Variants in NAA15 observed in about 807,000 individuals in gnomAD.
The protein encoded by NAA15 is N-alpha-acetyltransferase 15, NatA auxiliary subunit, also known as N-terminal acetyltransferase.
A neutral mutation model predicts 114.0 loss-of-function variants in NAA15; 34 were observed. The observed-to-expected ratio is 0.30, with a 90% CI of 0.23 to 0.40. NAA15 has a LOEUF of 0.40. Among genes scored for constraint, NAA15 ranks in the 10% least tolerant of loss-of-function variants. The pLI, the probability that NAA15 is intolerant of heterozygous loss-of-function variation, is 1.00. For missense variants in NAA15, 658 were observed against 1,004.5 expected, an observed-to-expected ratio of 0.66 and a Z score of 4.66; for synonymous variants, 340 against 338.0, an observed-to-expected ratio of 1.01 and a Z score of -0.06.
At chr4:139,357,261 A>C (rs1195274354) in intron 10 of NAA15, 125 bp from the exon 11 acceptor site, 13 of 774,694 alleles carry the variant, frequency 1.7e-5, no homozygotes, top group Non-Finnish European at 2.1e-5. Context: ...GGAGTTTTAT[A>C]GCTAGATACA....
intron 1 of NAA15, among the ~76,000 whole-genome samples, chr4:139,327,690 G>A (rs1746848234): frequency 1.3e-5 from 2 of 152,232 alleles, no homozygotes; most frequent in East Asian, 1.9e-4. Context: ...GTTTGAGACA[G>A]AGTCTCACTC....
chr4:139,313,826 C>T (rs545091643), intron 1 of NAA15, among the ~76,000 whole-genome samples: 2 of 151,744 alleles, frequency 1.3e-5, no homozygotes, highest in Non-Finnish European at 2.9e-5. Flanking sequence ...TGTGAGCCAC[C>T]GCGCCCGGCC....
Position 139,369,834 on chromosome 4 carries a change from C to T in NAA15, c.1754-377C>T, listed in dbSNP as rs560385999. Among the ~76,000 whole-genome samples the T allele has an allele frequency of 9.9e-5, 15 of 151,204 alleles. No homozygotes were observed. In the East Asian group the frequency reaches 2.5e-3, roughly 25 times the overall value. Reference sequence around the variant, plus strand: ...AAATTTGTTTTTTGAGACAGAGTTTCGCTCTTGTTTCCTAGGCTGGAGTGT... The same window carrying T: ...AAATTTGTTTTTTGAGACAGAGTTTTGCTCTTGTTTCCTAGGCTGGAGTGT... On this transcript the variant is annotated intron_variant, in intron 14 of 19. Transcript: ENST00000296543.
chr4:139,314,164 T>G (rs1438249920), intron 1 of NAA15, among the ~76,000 whole-genome samples: 1 of 151,912 alleles, frequency 6.6e-6, no homozygotes, highest in Non-Finnish European at 1.5e-5. Flanking sequence ...TGTAAATTAT[T>G]GTGAAGTGGA....
chr4:139,313,245 T>G (rs1333376213), intron 1 of NAA15, among the ~76,000 whole-genome samples: 1 of 151,932 alleles, frequency 6.6e-6, no homozygotes, highest in Non-Finnish European at 1.5e-5. Context: ...TCAAAAACTT[T>G]TTTTTCCTCT....
chr4:139,356,383 A>G (rs950081923), intron 10 of NAA15: 2 of 152,168 alleles, frequency 1.3e-5, no homozygotes, highest in Admixed American at 1.3e-4. Context: ...CCCTGGGTGC[A>G]TATTGCTATT....
At chr4:139,333,400 GT>G (rs1470168312) in intron 1 of NAA15, among the ~76,000 whole-genome samples, 1 of 150,998 alleles carries the variant, frequency 6.6e-6, no homozygotes, top group Non-Finnish European at 1.5e-5. Flanking sequence ...TATGTGACTT[GT>G]TTTTTTCCCC....
chr4:139,362,388 C>T lies in NAA15; in HGVS notation c.1753+451C>T, dbSNP rs564230953. Among the ~76,000 whole-genome samples, 59 of 152,250 alleles carry T rather than the reference C, an allele frequency of 3.9e-4. 1 individual carries two copies. In the South Asian group the frequency reaches 9.9e-3, roughly 26 times the overall value. On this transcript the variant is annotated intron_variant, in intron 14 of 19. Transcript: ENST00000296543. ...TCCCAGGTTCAAGCGATTCTCCTGC[C>T]GCAGCCTTCTGAGTAGCTGGGATTA...
rs569738726 is a variant in NAA15 at position 139,310,229 on chromosome 4, C to T, written c.54+8398C>T. Among the ~76,000 whole-genome samples the T allele has an allele frequency of 7.5e-3, 1,137 of 150,908 alleles. 9 individuals carry two copies. The highest frequency in any genetic ancestry group is 0.019 in the East Asian group (94 of 5,072). On this transcript the variant is annotated intron_variant, in intron 1 of 19. Transcript: ENST00000296543. The stretch of plus-strand genomic sequence containing the variant: ...CAGCACTTTGGGAGGCCGAGGCGGG[C>T]GGATCACGAGGTCAGGAGATCGAGA...
At chr4:139,368,959 A>G (rs1428196136) in intron 14 of NAA15, among the ~76,000 whole-genome samples, 2 of 152,226 alleles carry the variant, frequency 1.3e-5, no homozygotes, top group Admixed American at 6.5e-5. Context: ...GAGACAGTCA[A>G]TAGTTTATAC....
chr4:139,354,252 G>T (rs1432414226), intron 10 of NAA15, among the ~76,000 whole-genome samples, 154 bp downstream of exon 10: 1 of 152,102 alleles, frequency 6.6e-6, no homozygotes, highest in Non-Finnish European at 1.5e-5. Context: ...TTTGCACATT[G>T]TGTGATGATA....
At chr4:139,332,980 G>C (rs1560961351) in intron 1 of NAA15, among the ~76,000 whole-genome samples, 1 of 152,082 alleles carries the variant, frequency 6.6e-6, no homozygotes, top group South Asian at 2.1e-4. Context: ...TCAAGTCCTT[G>C]ATATACAATG....
At position 139,349,590 on chromosome 4, in the gene NAA15, GTT is replaced by G. The variant is rs750694609; in HGVS notation, c.811+11_811+12del. On this transcript the variant is annotated intron_variant, in intron 7 of 19. Coordinates refer to ENST00000296543, the MANE Select transcript of NAA15 (RefSeq NM_057175.5). Reference sequence around the variant, plus strand: ...AAAAGCACTCAAGCCAGGTAGTATTGTTTAAAACTTACTAAGTTTTATTGTTT... The same window carrying G: ...AAAAGCACTCAAGCCAGGTAGTATTGTAAAACTTACTAAGTTTTATTGTTT... 146 of 1,587,180 alleles carry G rather than the reference GTT, an allele frequency of 9.2e-5. No homozygotes were observed. The African/African-American group carries it at 1.8e-3, about 20-fold the overall frequency.
At chr4:139,375,438 C>T (rs949737889) in intron 15 of NAA15, among the ~76,000 whole-genome samples, 1 of 152,020 alleles carries the variant, frequency 6.6e-6, no homozygotes, top group African/African-American at 2.4e-5. Flanking sequence ...GAATTCACTT[C>T]ACTGCTTTTC....
Position 139,388,320 on chromosome 4 carries a change from A to G in NAA15, c.*236A>G. 1 of 335,808 alleles carries G rather than the reference A, an allele frequency of 3.0e-6. No individual in the cohort carries two copies. Among genetic ancestry groups the G allele is most frequent in the Non-Finnish European group, 5.4e-6 (1 of 184,242 alleles). The allele number at this position is 335,808 out of a possible 1,614,324, so 20.8% of individuals were successfully genotyped here. On this transcript the variant is annotated 3_prime_UTR_variant, in exon 20 of 20. Transcript: ENST00000296543. The stretch of plus-strand genomic sequence containing the variant: ...AAAGCTGCTAAAATTGAGTGGTTAA[A>G]AAAGATACCTTATCCTATTCCTCCC...
chr4:139,311,728 A>T (rs1399483377), intron 1 of NAA15, among the ~76,000 whole-genome samples: 1 of 151,904 alleles, frequency 6.6e-6, no homozygotes, highest in Non-Finnish European at 1.5e-5. Flanking sequence ...TTTACAACCG[A>T]TTCTGACACG....
At chr4:139,337,368 A>G (rs762359892) in intron 3 of NAA15, among the ~76,000 whole-genome samples, 10 of 152,192 alleles carry the variant, frequency 6.6e-5, no homozygotes, top group Non-Finnish European at 1.5e-4. Flanking sequence ...TTAGAGCACA[A>G]GCTTTTGGAG....
chr4:139,317,169 T>C (rs1050607488), intron 1 of NAA15, among the ~76,000 whole-genome samples: 2 of 151,878 alleles, frequency 1.3e-5, no homozygotes, highest in African/African-American at 2.4e-5. Context: ...ACAGTTCCCA[T>C]TGAAGCTTCT....
At chr4:139,351,477 T>G (rs763831546) in intron 8 of NAA15, 28 bp from the exon 9 acceptor site, 1 of 1,322,480 alleles carries the variant, frequency 7.6e-7, no homozygotes, top group Non-Finnish European at 1.1e-6. Context: ...TTGATAAATA[T>G]AAGCGAAAAG....
Sources: gnomAD v4.1 joint callset for allele counts (sites outside exome capture counted in the v4.1 genomes callset) on GRCh38, gnomAD v4.1.1 for gene constraint, MANE v1.5 for transcripts, NCBI Gene and HGNC (gene_info 2026-07-23, HGNC 2026-07-21) for gene names.